Variants in DUSP8 observed in about 807,000 individuals in gnomAD.
The protein encoded by DUSP8 is dual specificity phosphatase 8.
DUSP8 carries 15 observed loss-of-function variants against 38.7 expected under a neutral mutation model. The observed-to-expected ratio is 0.39, with a 90% confidence interval of 0.26 to 0.60. The LOEUF (loss-of-function observed/expected upper bound fraction) is 0.60, where lower values mean the gene tolerates loss of function less well. DUSP8 is among the 20% of genes least tolerant of loss of function. The pLI is 0.56. For missense variants in DUSP8, 768 were observed against 915.0 expected (o/e 0.84, Z 2.07); for synonymous variants, 458 against 433.9 (o/e 1.06, Z -0.69).
chr11:1,569,836 G>A (rs1848860435), intron 1 of DUSP8, among the ~76,000 whole-genome samples: 1 of 152,190 alleles, frequency 6.6e-6, no homozygotes, highest in Admixed American at 6.5e-5. Context: ...TCTTGGAGCT[G>A]TCCGGCTCAC....
Position 1,557,696 on chromosome 11 carries a change from C to A in DUSP8, c.821+98G>T. The A allele has an allele frequency of 1.9e-6, 3 of 1,576,880 alleles. No individual in the cohort carries two copies. The highest frequency in any genetic ancestry group is 2.3e-5 in the South Asian group (2 of 85,236). On this transcript the variant is annotated intron_variant, in intron 6 of 6. Transcript: ENST00000397374. This position sits in a 1 kb window ranked among gnomAD's most constrained non-coding sequence, Gnocchi z 9.9. Reference sequence around the variant, plus strand: ...GGTCTCAGGCCCTCCTCCCTTGCCACGGGTCCTGGACGGTGGGGTCATTCT... The same window carrying A: ...GGTCTCAGGCCCTCCTCCCTTGCCAAGGGTCCTGGACGGTGGGGTCATTCT...
intron 1 of DUSP8, 87 bp downstream of exon 1, chr11:1,571,814 C>T (rs1848903880): frequency 6.7e-6 from 1 of 149,014 alleles, no homozygotes; most frequent in African/African-American, 2.4e-5. Flanking sequence ...CCCCAGCGCC[C>T]CCGACGCGGC....
intron 1 of DUSP8, chr11:1,571,700 G>C (rs1848900738): frequency 6.6e-6 from 1 of 151,608 alleles, no homozygotes; most frequent in Admixed American, 6.6e-5. Context: ...GCCGGGCGTT[G>C]CGGGGGGCGG....
Position 1,557,349 on chromosome 11 carries a change from C to T in DUSP8, c.1047G>A (p.Glu349=), listed in dbSNP as rs1476554230. ...GCTCCCCGCCCGCGCTCAGGCCGCC[C>T]TCCCTGGCAGCCGCATTCCCTGTGG... is the stretch of plus-strand genomic sequence containing the variant. ...SAATGNAAAR[E]GGLSAGGEPP... The change falls in exon 7 of 7, where the codon GAG becomes GAA. Residue 349 remains glutamate (E), a synonymous_variant. Coordinates refer to ENST00000397374, the MANE Select transcript of DUSP8 (RefSeq NM_004420.3). This position sits in a 1 kb window ranked among gnomAD's most constrained non-coding sequence, Gnocchi z 9.9. The T allele has an allele frequency of 1.3e-6, 2 of 1,551,444 alleles. No individual in the cohort carries two copies. Among genetic ancestry groups the T allele is most frequent in the Non-Finnish European group, 1.7e-6 (2 of 1,161,476 alleles).
rs568585725 is a variant in DUSP8 at position 1,558,808 on chromosome 11, C to T, written c.537+81G>A. The T allele has an allele frequency of 5.3e-5, 79 of 1,493,160 alleles. No individual in the cohort carries two copies. In the African/African-American group the frequency reaches 1.0e-3, roughly 20 times the overall value. 92.5% of individuals were successfully genotyped at this position (1,493,160 alleles called of 1,614,324 possible). ...GCCTTCAGCTCCTTTCCTCCCTCAT[C>T]CCCCGCTCCGCTGCCAAGCTGCTTC... On this transcript the variant is annotated intron_variant, in intron 4 of 6. Transcript: ENST00000397374. The surrounding 1 kb of genome is among the most constrained non-coding windows in gnomAD (Gnocchi z 6.3).
At position 1,570,231 on chromosome 11, in the gene DUSP8, C is replaced by A. The variant is rs564917164; in HGVS notation, c.-109+1670G>T. Among the ~76,000 whole-genome samples, 9 of 152,338 alleles carry A rather than the reference C, an allele frequency of 5.9e-5. 1 individual carries two copies. The South Asian group carries it at 1.2e-3, about 21-fold the overall frequency. ...CCAGGTTCCCTCCCTTCCCACCAGA[C>A]CTGTGTCCCTCCTCCTGGTCACTGT... On this transcript the variant is annotated intron_variant, in intron 1 of 6. Coordinates refer to ENST00000397374, the MANE Select transcript of DUSP8 (RefSeq NM_004420.3).
intron 3 of DUSP8, among the ~76,000 whole-genome samples, chr11:1,560,984 G>A (rs941518863): frequency 3.3e-5 from 5 of 152,140 alleles, no homozygotes; most frequent in African/African-American, 1.2e-4. Flanking sequence ...CAATTCCCCA[G>A]GAAGCTTCCC....
chr11:1,556,876 G>T lies in DUSP8; in HGVS notation c.1520C>A (p.Ala507Asp). ...TGGGGAGTCGAGCGGCGGTGCCCAG[G>T]CCCCGGGGCCGGCCGGCTGGCCAGG... ...PGPGQPAGPG[A>D]WAPPLDSPGT... The change falls in exon 7 of 7, where the codon GCC becomes GAC. Residue 507 changes from alanine to aspartate, a missense_variant. Ala to Asp is a moderately radical substitution (Grantham distance 126). Coordinates refer to ENST00000397374, the MANE Select transcript of DUSP8 (RefSeq NM_004420.3). The surrounding 1 kb of genome is among the most constrained non-coding windows in gnomAD (Gnocchi z 5.2). 1 of 1,111,616 alleles carries T rather than the reference G, an allele frequency of 9.0e-7. No individual in the cohort carries two copies. Among genetic ancestry groups the T allele is most frequent in the Non-Finnish European group, 1.1e-6 (1 of 911,554 alleles). The allele number at this position is 1,111,616 out of a possible 1,614,324, so 68.9% of individuals were successfully genotyped here.
At chr11:1,560,548 G>A (rs998453143) in intron 3 of DUSP8, among the ~76,000 whole-genome samples, 1 of 152,216 alleles carries the variant, frequency 6.6e-6, no homozygotes, top group African/African-American at 2.4e-5. Context: ...GGTGGGTTGA[G>A]GCAGCAGCCT....
rs1009210849 is a variant in DUSP8, at chr11:1,557,342, G to A, written c.1054C>T (p.Leu352=). Residue 352 remains leucine, a synonymous_variant, in exon 7 of 7, where the codon CTG becomes TTG. Coordinates refer to ENST00000397374, the MANE Select transcript of DUSP8 (RefSeq NM_004420.3). This position sits in a 1 kb window ranked among gnomAD's most constrained non-coding sequence, Gnocchi z 9.9. ...GCGGGGGGCTCCCCGCCCGCGCTCA[G>A]GCCGCCCTCCCTGGCAGCCGCATTC... The part of the protein sequence containing the change: ...TGNAAAREGG[L]SAGGEPPAPP... 5.2e-6 allele frequency: 8 copies of A among 1,542,368 alleles called. No homozygotes were observed. The Admixed American group carries it at 1.6e-4, about 30-fold the overall frequency.
chr11:1,555,494 G>A lies in DUSP8; in HGVS notation c.*1024C>T. 4 of 496,492 alleles carry A rather than the reference G, an allele frequency of 8.1e-6. No individual in the cohort carries two copies. Among genetic ancestry groups the A allele is most frequent in the Non-Finnish European group, 1.0e-5 (4 of 383,788 alleles). The allele number at this position is 496,492 out of a possible 1,614,324, so 30.8% of individuals were successfully genotyped here. A position where few individuals can be genotyped will look rare whatever the true frequency, so the allele number is the denominator to read the frequency against. ...TGCCTGGGGCATGGCTGGGAGGGGG[G>A]CGGGGCAGACCTGGAACAGAACCCT... On this transcript the variant is annotated 3_prime_UTR_variant, in exon 7 of 7. Transcript: ENST00000397374.
chr11:1,558,124 T>G lies in DUSP8; in HGVS notation c.685A>C (p.Ile229Leu). 6.2e-7 allele frequency: 1 copy of G among 1,611,936 alleles called. No individual in the cohort carries two copies. Among genetic ancestry groups the G allele is most frequent in the Admixed American group, 1.7e-5 (1 of 60,022 alleles). Residue 229 changes from isoleucine to leucine, a missense_variant, in exon 5 of 7, where the codon ATC becomes CTC. This residue lies in a region of DUSP8 where 252 missense variants were observed against 410.4 expected (regional missense o/e 0.61). Coordinates refer to ENST00000397374, the MANE Select transcript of DUSP8 (RefSeq NM_004420.3). This position sits in a 1 kb window ranked among gnomAD's most constrained non-coding sequence, Gnocchi z 6.3. ...ACCGCAGACTCACCGATGAACTCGA[T>G]GGACTTGTCCAGCCAGGGCAGCAGT... ...EKLLPWLDKS[I>L]EFIDKAKLSS...
At position 1,558,757 on chromosome 11, in the gene DUSP8, C is replaced by T; in HGVS notation, c.537+132G>A. The stretch of plus-strand genomic sequence containing the variant: ...GGGTCCTCCTGGGCCCCCACCCATG[C>T]TTCTCCCACACCCAGCTCATCCACT... On this transcript the variant is annotated intron_variant, in intron 4 of 6. Transcript: ENST00000397374. The surrounding 1 kb of genome is among the most constrained non-coding windows in gnomAD (Gnocchi z 6.3). 8.7e-7 allele frequency: 1 copy of T among 1,145,912 alleles called. No individual in the cohort carries two copies. The highest frequency in any genetic ancestry group is 2.5e-5 in the East Asian group (1 of 39,692). The allele number at this position is 1,145,912 out of a possible 1,614,324, so 71.0% of individuals were successfully genotyped here.
intron 1 of DUSP8, chr11:1,571,447 T>A (rs557589268): frequency 6.6e-6 from 1 of 151,898 alleles, no homozygotes; most frequent in South Asian, 2.1e-4. Context: ...GGCCGTCGCG[T>A]CCCTCCCACG....
chr11:1,556,926 G>A lies in DUSP8; in HGVS notation c.1470C>T (p.Ala490=). Reference sequence around the variant, plus strand: ...GGCCGGGCAGCCCGGGCGCCGACAGGGCCGAGAGGCCGTGCCGCGGAGTCT... The same window carrying A: ...GGCCGGGCAGCCCGGGCGCCGACAGAGCCGAGAGGCCGTGCCGCGGAGTCT... ...ARQTPRHGLS[A]LSAPGLPGPG... Residue 490 remains alanine (A), a synonymous_variant, in exon 7 of 7, where the codon GCC becomes GCT. Transcript: ENST00000397374. This position sits in a 1 kb window ranked among gnomAD's most constrained non-coding sequence, Gnocchi z 5.2. 1 of 1,076,260 alleles carries A rather than the reference G, an allele frequency of 9.3e-7. No homozygotes were observed. 66.7% of individuals were successfully genotyped at this position (1,076,260 alleles called of 1,614,324 possible).
rs1590801200 is a variant in DUSP8 at position 1,558,023 on chromosome 11, T to G, written c.697+89A>C. 1.2e-6 allele frequency: 2 copies of G among 1,610,880 alleles called. No individual in the cohort carries two copies. Among genetic ancestry groups the G allele is most frequent in the Middle Eastern group, 3.7e-4 (2 of 5,368 alleles). ...CCCAACTGCCAACAGTTCCGGCTAC[T>G]TCCTGGGGACCCCTCCTGTGTCTGT... On this transcript the variant is annotated intron_variant, in intron 5 of 6. Transcript: ENST00000397374. This position sits in a 1 kb window ranked among gnomAD's most constrained non-coding sequence, Gnocchi z 6.3.
In DUSP8 at chr11:1,563,845, A is replaced by C. The variant is rs746409767; in HGVS notation, c.370+6T>G. ...TGCCTCGGGGAGGCGTGGGTCATGGACTCACCAGTGAGGATGGCCACGCTG... is the reference window on the plus strand; with the variant it reads ...TGCCTCGGGGAGGCGTGGGTCATGGCCTCACCAGTGAGGATGGCCACGCTG... On this transcript the variant is annotated splice_donor_region_variant and intron_variant, in intron 3 of 6. Transcript: ENST00000397374. 7.3e-6 allele frequency: 11 copies of C among 1,503,728 alleles called. No homozygotes were observed. In the East Asian group the frequency reaches 2.7e-4, roughly 37 times the overall value. The allele number at this position is 1,503,728 out of a possible 1,614,324, so 93.1% of individuals were successfully genotyped here. A position where few individuals can be genotyped will look rare whatever the true frequency, so the allele number is the denominator to read the frequency against.
intron 3 of DUSP8, chr11:1,559,297 A>C (rs1235977783): frequency 6.5e-6 from 3 of 461,356 alleles, no homozygotes; most frequent in Non-Finnish European, 1.1e-5. Context: ...CCTCATGCTA[A>C]TTAGGGGCTG....
rs1397144581 is a variant in DUSP8 at position 1,557,608 on chromosome 11, C to A, written c.822-34G>T. On this transcript the variant is annotated intron_variant, in intron 6 of 6. Transcript: ENST00000397374. The surrounding 1 kb of genome is among the most constrained non-coding windows in gnomAD (Gnocchi z 9.9). ...GAGGAGGCTCAGTCCCAGGCGCCCG[C>A]CGGGGCCAGGCTGCCCACCTGACGC... 10 of 1,497,198 alleles carry A rather than the reference C, an allele frequency of 6.7e-6. No homozygotes were observed. Among genetic ancestry groups the A allele is most frequent in the East Asian group, 4.8e-5 (2 of 41,562 alleles). 92.7% of individuals were successfully genotyped at this position (1,497,198 alleles called of 1,614,324 possible).
Sources: allele counts gnomAD v4.1 joint callset (sites outside exome capture counted in the v4.1 genomes callset), GRCh38; gene constraint gnomAD v4.1.1; regional missense constraint gnomAD v4.1.1; non-coding constraint Gnocchi (gnomAD v3.1); transcripts MANE v1.5; gene names NCBI Gene and HGNC (gene_info 2026-07-23, HGNC 2026-07-21).